NAF1: variants seen among roughly 807,000 people sequenced by gnomAD.
The protein encoded by NAF1 is nuclear assembly factor 1 ribonucleoprotein.
A neutral mutation model predicts 40.6 loss-of-function variants in NAF1; 11 were observed. The observed-to-expected ratio is 0.27, with a 90% confidence interval of 0.17 to 0.45. The LOEUF (loss-of-function observed/expected upper bound fraction) is 0.45. Ranked by LOEUF, NAF1 falls within the 20% of genes least tolerant of loss-of-function variation. The probability of loss-of-function intolerance (pLI) is 1.00; values close to 1 mark genes in which losing one functional copy is unlikely to be tolerated. For synonymous variants in NAF1, 260 were observed against 228.5 expected (o/e 1.14, Z -1.24); for missense variants, 607 against 611.1 (o/e 0.99, Z 0.07).
intron 6 of NAF1, 122 bp from the exon 7 acceptor site, chr4:163,133,378 T>C (rs967050428): frequency 1.6e-6 from 1 of 638,538 alleles, no homozygotes; most frequent in African/African-American, 1.8e-5. Flanking sequence ...AGTTGTCTTT[T>C]TGATACTTAA....
At chr4:163,124,924 C>T (rs974505126), downstream of NAF1, among the ~76,000 whole-genome samples, 1 of 152,222 alleles carries the variant, frequency 6.6e-6, no homozygotes. Context: ...ACAGCATATG[C>T]TCACTTCATG....
At chr4:163,149,514 AG>A (rs1413386431) in intron 2 of NAF1, among the ~76,000 whole-genome samples, 1 of 152,206 alleles carries the variant, frequency 6.6e-6, no homozygotes, top group Non-Finnish European at 1.5e-5. Context: ...TTTCTGATAC[AG>A]GATTACTTAT....
chr4:163,141,861 TTCACATTTTATGA>T, intron 4 of NAF1: 3 of 749,660 alleles, frequency 4.0e-6, no homozygotes, highest in Non-Finnish European at 4.9e-6. Context: ...GTAAATGCTC[TTCACATTTTATGA>T]TTTCAGTACA....
chr4:163,153,119 G>A (rs534900511), intron 2 of NAF1, among the ~76,000 whole-genome samples: 1 of 152,338 alleles, frequency 6.6e-6, no homozygotes, highest in East Asian at 1.9e-4. Context: ...CGCCATGCCT[G>A]AGCCTTCCCC....
chr4:163,139,983 G>C (rs969458523), intron 5 of NAF1, among the ~76,000 whole-genome samples: 1 of 152,030 alleles, frequency 6.6e-6, no homozygotes, highest in Non-Finnish European at 1.5e-5. Context: ...ACTAGAATCA[G>C]AAAGTGTACA....
intron 2 of NAF1, among the ~76,000 whole-genome samples, chr4:163,114,362 C>T (rs867324898): frequency 6.6e-6 from 1 of 152,142 alleles, no homozygotes; most frequent in Non-Finnish European, 1.5e-5. Context: ...GGTATTTACC[C>T]CTCCTTTGCT....
intron 2 of NAF1, among the ~76,000 whole-genome samples, chr4:163,116,398 CTG>C (rs965102647): frequency 9.9e-5 from 15 of 151,802 alleles, no homozygotes; most frequent in African/African-American, 3.1e-4. Flanking sequence ...GTGTGTATGT[CTG>C]TGTGTGTGTG....
chr4:163,113,043 T>C (rs1042784776), intron 2 of NAF1, among the ~76,000 whole-genome samples: 15 of 152,094 alleles, frequency 9.9e-5, no homozygotes, highest in African/African-American at 2.7e-4. Flanking sequence ...AGAAGAAAAA[T>C]TGAGACATCA....
At chr4:163,139,477 A>G (rs1036212334) in intron 5 of NAF1, among the ~76,000 whole-genome samples, 1 of 152,140 alleles carries the variant, frequency 6.6e-6, no homozygotes, top group Non-Finnish European at 1.5e-5. Context: ...TCTTAAATTC[A>G]TATGCTATTT....
downstream of NAF1, chr4:163,127,231 A>C: frequency 7.5e-7 from 1 of 1,337,546 alleles, no homozygotes; most frequent in Non-Finnish European, 9.7e-7. Context: ...CCAGGTTCAA[A>C]TAATTCTCCT....
At position 163,139,331 on chromosome 4, in the gene NAF1, T is replaced by C. The variant is rs76699729; in HGVS notation, c.878+892A>G. Reference sequence around the variant, plus strand: ...AAAGGAACTTCTGTGTCAAACTGAGTGCAAAGTCTTTCTGGATTTAACCTT... The same window carrying C: ...AAAGGAACTTCTGTGTCAAACTGAGCGCAAAGTCTTTCTGGATTTAACCTT... On this transcript the variant is annotated intron_variant, in intron 5 of 7. Coordinates refer to ENST00000274054, the MANE Select transcript of NAF1 (RefSeq NM_138386.3). Among the ~76,000 whole-genome samples the C allele has an allele frequency of 7.9e-4, 121 of 152,220 alleles. 3 individuals carry two copies. The East Asian group carries it at 0.021, about 27-fold the overall frequency.
At chr4:163,104,910 A>T in the NAF1 span, among the ~76,000 whole-genome samples, 2 of 152,222 alleles carry the variant, frequency 1.3e-5, no homozygotes, top group African/African-American at 4.8e-5. Context: ...CAATTTGCTC[A>T]GTGCTTTTTT....
downstream of NAF1, among the ~76,000 whole-genome samples, chr4:163,121,732 T>TA (rs1463044253): frequency 6.6e-6 from 1 of 152,166 alleles, no homozygotes; most frequent in African/African-American, 2.4e-5. Flanking sequence ...CCTTAGCACT[T>TA]ATAGAAGTAC....
chr4:163,112,970 G>T (rs1730208828), intron 2 of NAF1, among the ~76,000 whole-genome samples: 1 of 152,204 alleles, frequency 6.6e-6, no homozygotes, highest in Non-Finnish European at 1.5e-5. Context: ...GACAGCATGA[G>T]TGTTGGGTTT....
At chr4:163,164,821 G>A (rs1274865942) in intron 1 of NAF1, among the ~76,000 whole-genome samples, 1 of 152,138 alleles carries the variant, frequency 6.6e-6, no homozygotes, top group Non-Finnish European at 1.5e-5. Context: ...TTTCTTCTCA[G>A]GCTACAGACA....
intron 2 of NAF1, among the ~76,000 whole-genome samples, chr4:163,154,167 G>A (rs1367605594): frequency 3.9e-5 from 6 of 152,144 alleles, no homozygotes; most frequent in Non-Finnish European, 8.8e-5. Context: ...GAAGGTCTGC[G>A]GCTTCATTCT....
At chr4:163,136,950 G>C (rs1009211560) in intron 6 of NAF1, among the ~76,000 whole-genome samples, 2 of 152,132 alleles carry the variant, frequency 1.3e-5, no homozygotes, top group African/African-American at 2.4e-5. Flanking sequence ...ATGATAAGGT[G>C]ATAATTATTA....
intron 4 of NAF1, among the ~76,000 whole-genome samples, chr4:163,144,514 T>G (rs1362857213): frequency 1.1e-4 from 16 of 152,144 alleles, no homozygotes; most frequent in Admixed American, 9.8e-4. Context: ...AGGTACTCAG[T>G]TTCATATTCT....
chr4:163,129,181 T>A lies in NAF1; in HGVS notation c.1201A>T (p.Met401Leu), dbSNP rs1215369781. The A allele has an allele frequency of 6.2e-7, 1 of 1,613,854 alleles. No homozygotes were observed. Among genetic ancestry groups the A allele is most frequent in the East Asian group, 2.2e-5 (1 of 44,888 alleles). Reference sequence around the variant, plus strand: ...AATCCTGAAGTCTCCTGAGATACCATATGTTCTGAGTTATAGAAATGCTGA... The same window carrying A: ...AATCCTGAAGTCTCCTGAGATACCAAATGTTCTGAGTTATAGAAATGCTGA... Reference protein sequence around the residue: ...PPQHFYNSEHMVSQETSGFPS... With the variant: ...PPQHFYNSEHLVSQETSGFPS... The change falls in exon 8 of 8, where the codon ATG becomes TTG. Residue 401 changes from methionine to leucine, a missense_variant. Met to Leu is a conservative substitution (Grantham distance 15, BLOSUM62 2). Around this residue, in one of 3 missense-constraint regions of NAF1, gnomAD observed 189 missense variants for 216.6 expected, o/e 0.87. Transcript: ENST00000274054.
Sources: allele counts gnomAD v4.1 joint callset (sites outside exome capture counted in the v4.1 genomes callset), GRCh38; gene constraint gnomAD v4.1.1; regional missense constraint gnomAD v4.1.1; transcripts MANE v1.5; gene names NCBI Gene and HGNC (gene_info 2026-07-23, HGNC 2026-07-21).